Variants in YWHAZ observed in about 807,000 individuals in gnomAD.
YWHAZ encodes the protein tyrosine 3-monooxygenase/tryptophan 5-monooxygenase activation protein zeta.
For synonymous variants in YWHAZ, 87 were observed against 103.6 expected (o/e 0.84, Z 0.97); for missense variants, 79 against 284.8 (o/e 0.28, Z 5.20).
chr8:100,916,633 G>C lies in YWHAZ; in HGVS notation c.*4060C>G, dbSNP rs1278824420. On this transcript the variant is annotated 3_prime_UTR_variant, in exon 6 of 6. Coordinates refer to ENST00000395958, the MANE Select transcript of YWHAZ (RefSeq NM_145690.3). Reference sequence around the variant, plus strand: ...AGAAGTAATCAATTAAGACCAGTTAGGTTTGGACTTTCAAGGAATGAACTC... The same window carrying C: ...AGAAGTAATCAATTAAGACCAGTTACGTTTGGACTTTCAAGGAATGAACTC... 6.6e-6 allele frequency: 1 copy of C among 152,210 alleles called. No homozygotes were observed. The highest frequency in any genetic ancestry group is 1.5e-5 in the Non-Finnish European group (1 of 68,044). The allele number at this position is 152,210 out of a possible 1,614,324, so 9.4% of individuals were successfully genotyped here. A position where few individuals can be genotyped will look rare whatever the true frequency, so the allele number is the denominator to read the frequency against.
chr8:100,953,047 G>A, upstream of YWHAZ: 1 of 999,326 alleles, frequency 1.0e-6, no homozygotes, highest in Non-Finnish European at 1.2e-6. Flanking sequence ...GGAGCCGGCA[G>A]GAGGTGAGGC....
At chr8:100,953,304 C>G, upstream of YWHAZ, 3 of 985,524 alleles carry the variant, frequency 3.0e-6, no homozygotes, top group Non-Finnish European at 3.6e-6. Flanking sequence ...TGAGGGACGT[C>G]GTAGTCCCCA....
intron 2 of YWHAZ, among the ~76,000 whole-genome samples, chr8:100,940,491 C>T (rs574789408): frequency 2.5e-4 from 38 of 152,316 alleles, no homozygotes; most frequent in Middle Eastern, 3.4e-3. Context: ...CCTCTCCAGA[C>T]TGAAGAGCAG....
chr8:100,944,517 C>A (rs1204183599), intron 2 of YWHAZ, among the ~76,000 whole-genome samples: 1 of 152,150 alleles, frequency 6.6e-6, no homozygotes, highest in East Asian at 1.9e-4. Context: ...TCTCGGAGAC[C>A]TCCTATATAA....
chr8:100,924,871 T>C lies in YWHAZ; in HGVS notation c.418+45A>G, dbSNP rs113041289. ...ACGCTTCAGAGACTCTTCCTCACTA[T>C]GTTATCTTATACAAGTTCAACCAAC... On this transcript the variant is annotated intron_variant, in intron 3 of 5. Transcript: ENST00000395958. The surrounding 1 kb of genome is among the most constrained non-coding windows in gnomAD (Gnocchi z 5.7). 732 of 1,609,388 alleles carry C rather than the reference T, an allele frequency of 4.5e-4. 10 individuals are homozygous for C. The African/African-American group carries it at 8.2e-3, about 18-fold the overall frequency.
intron 1 of YWHAZ, chr8:100,951,128 C>A: frequency 1.0e-6 from 1 of 983,262 alleles, no homozygotes; most frequent in Non-Finnish European, 1.2e-6. Flanking sequence ...TTCCTCCCAC[C>A]GCGGAGCCCA....
rs1327290511 is a variant in YWHAZ, at chr8:100,938,486, T to C, written c.294+10110A>G. Among the ~76,000 whole-genome samples the C allele has an allele frequency of 2.6e-5, 4 of 152,344 alleles. No individual in the cohort carries two copies. The East Asian group carries it at 7.7e-4, about 29-fold the overall frequency. ...AAAACTCCCAGTTTATATTATTCAA[T>C]TTAAAAACTCACAAAAATACCCCAC... On this transcript the variant is annotated intron_variant, in intron 2 of 5. Coordinates refer to ENST00000395958, the MANE Select transcript of YWHAZ (RefSeq NM_145690.3).
chr8:100,949,700 T>A (rs1423400026), intron 1 of YWHAZ, among the ~76,000 whole-genome samples: 3 of 152,232 alleles, frequency 2.0e-5, no homozygotes, highest in South Asian at 2.1e-4. Context: ...TCCAATGTCA[T>A]CGCTCCAGTT....
At position 100,919,309 on chromosome 8, in the gene YWHAZ, G is replaced by T. The variant is rs187173723; in HGVS notation, c.*1384C>A. 5.0e-4 allele frequency: 77 copies of T among 152,708 alleles called. No homozygotes were observed. Among genetic ancestry groups the T allele is most frequent in the Non-Finnish European group, 4.9e-4 (33 of 68,028 alleles). 9.5% of individuals were successfully genotyped at this position (152,708 alleles called of 1,614,324 possible). A position where few individuals can be genotyped will look rare whatever the true frequency, so the allele number is the denominator to read the frequency against. On this transcript the variant is annotated 3_prime_UTR_variant, in exon 6 of 6. Coordinates refer to ENST00000395958, the MANE Select transcript of YWHAZ (RefSeq NM_145690.3). ...AAGAAATTCTTAAAAACCAAAAAGT[G>T]ATTTGGAAGCACAAAACTTACAGTT...
At position 100,948,999 on chromosome 8, in the gene YWHAZ, T is replaced by A; in HGVS notation, c.-11-99A>T. 1 of 1,330,432 alleles carries A rather than the reference T, an allele frequency of 7.5e-7. No individual in the cohort carries two copies. Among genetic ancestry groups the A allele is most frequent in the Admixed American group, 2.4e-5 (1 of 41,406 alleles). 82.4% of individuals were successfully genotyped at this position (1,330,432 alleles called of 1,614,324 possible). On this transcript the variant is annotated intron_variant, in intron 1 of 5. Transcript: ENST00000395958. The surrounding 1 kb of genome is among the most constrained non-coding windows in gnomAD (Gnocchi z 4.2). Reference sequence around the variant, plus strand: ...AAATGAGTTTTTTAAACCTGAAACCTAACTGCCTGTGAAAGACTGTTCACA... The same window carrying A: ...AAATGAGTTTTTTAAACCTGAAACCAAACTGCCTGTGAAAGACTGTTCACA...
At chr8:100,943,433 T>C (rs1810018593) in intron 2 of YWHAZ, among the ~76,000 whole-genome samples, 1 of 152,214 alleles carries the variant, frequency 6.6e-6, no homozygotes, top group Admixed American at 6.5e-5. Flanking sequence ...ACACATTCAA[T>C]ATAAATATGC....
intron 2 of YWHAZ, among the ~76,000 whole-genome samples, chr8:100,941,830 T>C (rs963509143): frequency 3.3e-5 from 5 of 150,196 alleles, no homozygotes. Flanking sequence ...AAAAAACATC[T>C]CTAACTTCCC....
intron 2 of YWHAZ, among the ~76,000 whole-genome samples, chr8:100,933,946 C>A (rs1224411232): frequency 2.0e-5 from 3 of 151,876 alleles, no homozygotes; most frequent in Non-Finnish European, 4.4e-5. Context: ...CACTTGAGGT[C>A]AGGAGTTCAA....
chr8:100,951,417 G>T (rs1810765821), intron 1 of YWHAZ: 2 of 981,456 alleles, frequency 2.0e-6, no homozygotes, highest in South Asian at 9.4e-5. Context: ...GGAGGGAAAG[G>T]AGGGGGCGGC....
intron 2 of YWHAZ, among the ~76,000 whole-genome samples, chr8:100,928,800 C>T (rs745405664): frequency 2.6e-5 from 4 of 151,546 alleles, no homozygotes; most frequent in Admixed American, 6.6e-5. Flanking sequence ...CTAGAAAGGA[C>T]GTTATTCCAC....
intron 2 of YWHAZ, among the ~76,000 whole-genome samples, chr8:100,945,870 C>G (rs1360782550): frequency 1.3e-5 from 2 of 151,872 alleles, no homozygotes; most frequent in Non-Finnish European, 1.5e-5. Flanking sequence ...TCTAAAGAAG[C>G]CTTTCTGCTT....
intron 2 of YWHAZ, among the ~76,000 whole-genome samples, chr8:100,935,617 T>C (rs1814091636): frequency 6.6e-6 from 1 of 152,208 alleles, no homozygotes; most frequent in South Asian, 2.1e-4. Flanking sequence ...CACCTCCTAA[T>C]ATGGATAAGC....
intron 2 of YWHAZ, among the ~76,000 whole-genome samples, chr8:100,939,001 CACTT>C: frequency 6.6e-6 from 1 of 152,334 alleles, no homozygotes; most frequent in Middle Eastern, 3.4e-3. Context: ...TGTGCCTAAT[CACTT>C]AACGCATTTT....
chr8:100,930,622 T>A (rs1813696991), intron 2 of YWHAZ, among the ~76,000 whole-genome samples: 1 of 152,212 alleles, frequency 6.6e-6, no homozygotes, highest in South Asian at 2.1e-4. Flanking sequence ...TCAGTTTACT[T>A]CAAAATGTGG....
Sources: allele counts gnomAD v4.1 joint callset (sites outside exome capture counted in the v4.1 genomes callset), GRCh38; gene constraint gnomAD v4.1.1; non-coding constraint Gnocchi (gnomAD v3.1); transcripts MANE v1.5; gene names NCBI Gene and HGNC (gene_info 2026-07-23, HGNC 2026-07-21).